Variants in KLF17 observed in about 807,000 individuals in gnomAD.
KLF17 encodes Krueppel-like factor 17.
KLF17 carries 31 observed loss-of-function variants against 34.2 expected under a neutral mutation model. The observed-to-expected ratio is 0.91, with a 90% confidence interval of 0.68 to 1.22. KLF17 has a LOEUF of 1.22. KLF17 is among the 50% of genes most tolerant of loss of function. The pLI, the probability that KLF17 is intolerant of heterozygous loss-of-function variation, is 0.00. For synonymous variants in KLF17, 179 were observed against 186.7 expected (o/e 0.96, Z 0.34); for missense variants, 478 against 505.2 (o/e 0.95, Z 0.52).
At chr1:44,062,971 C>T in the KLF17 span, among the ~76,000 whole-genome samples, 1 of 152,130 alleles carries the variant, frequency 6.6e-6, no homozygotes, top group Non-Finnish European at 1.5e-5. Flanking sequence ...TGATAGCTTA[C>T]ACTGGAACAA....
chr1:44,058,085 G>T, the KLF17 span, among the ~76,000 whole-genome samples: 2 of 152,230 alleles, frequency 1.3e-5, no homozygotes, highest in Non-Finnish European at 2.9e-5. Flanking sequence ...CTAAAAGTCA[G>T]CAGAGTGATA....
intron 1 of KLF17, among the ~76,000 whole-genome samples, chr1:44,122,957 G>A (rs1372121225): frequency 2.6e-5 from 4 of 152,100 alleles, no homozygotes; most frequent in Non-Finnish European, 2.9e-5. Context: ...GTATTCTTCT[G>A]TAAAGTAGGA....
the KLF17 span, among the ~76,000 whole-genome samples, chr1:44,090,650 C>T: frequency 6.6e-6 from 1 of 152,058 alleles, no homozygotes; most frequent in Non-Finnish European, 1.5e-5. Context: ...TCCTGTAGAT[C>T]AGAGCACTGA....
chr1:44,094,579 A>AC, the KLF17 span, among the ~76,000 whole-genome samples: 27 of 152,274 alleles, frequency 1.8e-4, no homozygotes, highest in Middle Eastern at 3.4e-3. Context: ...TTTCCCCAGC[A>AC]CCATTTATTG....
the KLF17 span, chr1:44,103,837 T>C: frequency 3.8e-6 from 3 of 795,380 alleles, no homozygotes; most frequent in Non-Finnish European, 6.7e-6. Flanking sequence ...AGCCCACTGA[T>C]GTTCCAGTTT....
chr1:44,077,248 G>A, the KLF17 span, among the ~76,000 whole-genome samples: 3 of 151,968 alleles, frequency 2.0e-5, no homozygotes, highest in South Asian at 2.1e-4. Flanking sequence ...GGGAAGCTGA[G>A]GCAGGAGAAT....
At chr1:44,115,298 A>G (rs2087868701), upstream of KLF17, 4 of 152,094 alleles carry the variant, frequency 2.6e-5, no homozygotes, top group Admixed American at 2.6e-4. Flanking sequence ...CACACACAAA[A>G]AAATTAGCCA....
At chr1:44,082,276 T>G in the KLF17 span, among the ~76,000 whole-genome samples, 9 of 152,232 alleles carry the variant, frequency 5.9e-5, no homozygotes, top group African/African-American at 1.4e-4. Flanking sequence ...GATACAGTGA[T>G]GTATTGAACT....
upstream of KLF17, chr1:44,115,815 A>G (rs2087874783): frequency 6.6e-6 from 1 of 152,218 alleles, no homozygotes; most frequent in Admixed American, 6.5e-5. Flanking sequence ...TTAAACAGGT[A>G]GATGTGAAAA....
chr1:44,103,856 G>A, the KLF17 span: 1 of 788,432 alleles, frequency 1.3e-6, no homozygotes, highest in Non-Finnish European at 2.3e-6. Context: ...TTATCTCGGA[G>A]GTCTCAGTCT....
chr1:44,124,495 ATT>A (rs35952182), intron 1 of KLF17, among the ~76,000 whole-genome samples: 7 of 112,352 alleles, frequency 6.2e-5, no homozygotes, highest in Admixed American at 1.0e-4. Flanking sequence ...CACTTGGCTA[ATT>A]TTTTTTTTTT....
At chr1:44,092,385 C>T in the KLF17 span, among the ~76,000 whole-genome samples, 4 of 151,940 alleles carry the variant, frequency 2.6e-5, no homozygotes, top group African/African-American at 4.8e-5. Flanking sequence ...CAGAAGGGGA[C>T]GCCATTCAAC....
At chr1:44,063,375 A>G in the KLF17 span, among the ~76,000 whole-genome samples, 1 of 152,230 alleles carries the variant, frequency 6.6e-6, no homozygotes, top group Non-Finnish European at 1.5e-5. Context: ...TTATACCCCA[A>G]TAAAATGGAA....
At chr1:44,097,074 T>C in the KLF17 span, among the ~76,000 whole-genome samples, 1 of 152,230 alleles carries the variant, frequency 6.6e-6, no homozygotes, top group Admixed American at 6.5e-5. Context: ...ACACCATTGA[T>C]TAAATAGGGA....
At chr1:44,127,745 T>C (rs1303141411) in intron 1 of KLF17, among the ~76,000 whole-genome samples, 4 of 148,618 alleles carry the variant, frequency 2.7e-5, no homozygotes, top group Admixed American at 6.8e-5. Flanking sequence ...CTTTTCTTTC[T>C]TCTCTTTTCT....
rs371394048 is a variant in KLF17, at chr1:44,128,842, G to A, written c.82-511G>A. On this transcript the variant is annotated intron_variant, in intron 1 of 3. Transcript: ENST00000372299. The stretch of plus-strand genomic sequence containing the variant: ...AGCTTGACCAACATGGAGAAACCCC[G>A]TCTCTACTAAAAATACAAAATTAGC... Among the ~76,000 whole-genome samples, 16 of 152,064 alleles carry A rather than the reference G, an allele frequency of 1.1e-4. 2 individuals are homozygous for A. The highest frequency in any genetic ancestry group is 3.9e-4 in the African/African-American group (16 of 41,498).
intron 1 of KLF17, among the ~76,000 whole-genome samples, chr1:44,127,630 T>TTTC (rs1491542303): frequency 7.8e-4 from 36 of 46,008 alleles, no homozygotes; most frequent in African/African-American, 2.5e-3. Context: ...TTTTCTTTTC[T>TTTC]TTTCTTTCCT....
At chr1:44,127,684 T>C (rs1557731989) in intron 1 of KLF17, among the ~76,000 whole-genome samples, 1 of 33,404 alleles carries the variant, frequency 3.0e-5, no homozygotes, top group African/African-American at 7.0e-5. Context: ...CTTTCTTTCT[T>C]TCTTTCTTTT....
At chr1:44,060,505 G>C in the KLF17 span, among the ~76,000 whole-genome samples, 3 of 152,086 alleles carry the variant, frequency 2.0e-5, no homozygotes, top group African/African-American at 7.2e-5. Flanking sequence ...ATGAACATAT[G>C]TTGGCCACCC....
Sources: gnomAD v4.1 joint callset for allele counts (sites outside exome capture counted in the v4.1 genomes callset) on GRCh38, gnomAD v4.1.1 for gene constraint, MANE v1.5 for transcripts, NCBI Gene and HGNC (gene_info 2026-07-23, HGNC 2026-07-21) for gene names.